EXD2: variants seen among roughly 807,000 people sequenced by gnomAD.
EXD2 encodes the protein exonuclease 3'-5' domain-containing protein 2.
Under a neutral mutation model 62.5 loss-of-function variants are expected in EXD2, and 40 were observed. That is an observed-to-expected ratio of 0.64 (90% CI 0.50 to 0.83). EXD2 has a LOEUF of 0.83. EXD2 is among the 40% of genes least tolerant of loss of function. The pLI is 0.00. For synonymous variants in EXD2, 239 were observed against 291.9 expected, an observed-to-expected ratio of 0.82 and a Z score of 1.85; for missense variants, 671 against 761.8, an observed-to-expected ratio of 0.88 and a Z score of 1.40.
At chr14:69,215,617 C>CT (rs1039264834) in intron 3 of EXD2, among the ~76,000 whole-genome samples, 5 of 152,058 alleles carry the variant, frequency 3.3e-5, no homozygotes, top group Non-Finnish European at 5.9e-5. Flanking sequence ...TGAAAATTGC[C>CT]TTTGTTTTAC....
intron 1 of EXD2, among the ~76,000 whole-genome samples, chr14:69,201,517 C>T (rs1300336110): frequency 2.0e-5 from 3 of 151,940 alleles, no homozygotes; most frequent in Non-Finnish European, 4.4e-5. Context: ...AATGTTTCAC[C>T]TATCCTGTGG....
intron 5 of EXD2, among the ~76,000 whole-genome samples, chr14:69,233,977 G>A (rs952177580): frequency 6.6e-6 from 1 of 151,970 alleles, no homozygotes; most frequent in Admixed American, 6.6e-5. Context: ...ATGTTGGCCA[G>A]GCTGGTTTCG....
At chr14:69,238,030 G>A in intron 9 of EXD2, 99 bp downstream of exon 9, 1 of 1,039,596 alleles carries the variant, frequency 9.6e-7, no homozygotes, top group Non-Finnish European at 1.4e-6. Context: ...CTTAGGCACA[G>A]TGCCTAGCCT....
intron 3 of EXD2, among the ~76,000 whole-genome samples, chr14:69,228,516 G>C (rs1034799525): frequency 1.3e-5 from 2 of 152,156 alleles, no homozygotes; most frequent in Non-Finnish European, 2.9e-5. Flanking sequence ...AAACCAGCAT[G>C]TTCCATATGA....
chr14:69,212,957 C>T (rs985242945), intron 3 of EXD2, among the ~76,000 whole-genome samples: 4 of 151,792 alleles, frequency 2.6e-5, no homozygotes, highest in African/African-American at 4.8e-5. Flanking sequence ...GCAATCCATT[C>T]GCCTCAGTCC....
intron 1 of EXD2, among the ~76,000 whole-genome samples, chr14:69,199,158 C>T (rs190296047): frequency 4.3e-3 from 656 of 152,314 alleles, no homozygotes; most frequent in Non-Finnish European, 7.0e-3. Context: ...GCAGGAGAAT[C>T]GCTTGAACTT....
At chr14:69,219,886 G>A (rs2043110720) in intron 3 of EXD2, among the ~76,000 whole-genome samples, 1 of 152,092 alleles carries the variant, frequency 6.6e-6, no homozygotes, top group African/African-American at 2.4e-5. Flanking sequence ...TGGTGATAGT[G>A]GACATCCTTG....
In EXD2 at chr14:69,237,549, C is replaced by G. The variant is rs747987501; in HGVS notation, c.1293-26C>G. On this transcript the variant is annotated intron_variant, in intron 8 of 9. Coordinates refer to ENST00000685843, the MANE Select transcript of EXD2 (RefSeq NM_001193360.2). Reference sequence around the variant, plus strand: ...GTGCTCTGTCATACACTTATGAGCGCTGCTTTCCGGCTGGGCTTGTTCCAG... The same window carrying G: ...GTGCTCTGTCATACACTTATGAGCGGTGCTTTCCGGCTGGGCTTGTTCCAG... The G allele has an allele frequency of 2.5e-6, 4 of 1,609,404 alleles. No homozygotes were observed. In the African/African-American group the frequency reaches 4.0e-5, roughly 16 times the overall value.
chr14:69,213,070 A>G lies in EXD2; in HGVS notation c.333+3267A>G, dbSNP rs145788068. On this transcript the variant is annotated intron_variant, in intron 3 of 9. Coordinates refer to ENST00000685843, the MANE Select transcript of EXD2 (RefSeq NM_001193360.2). ...TTTACCAAAGTGTTTACCTTCCTGT[A>G]TTCTTCTTCTTTTCTTTTTTTTTTT... 3.9e-3 allele frequency among the ~76,000 whole-genome samples: 548 copies of G among 138,774 alleles called. 3 individuals are homozygous for G. Among genetic ancestry groups the G allele is most frequent in the African/African-American group, 0.013 (513 of 38,040 alleles). The allele number at this position is 138,774 out of a possible 152,430, so 91.0% of individuals were successfully genotyped here. A position where few individuals can be genotyped will look rare whatever the true frequency, so the allele number is the denominator to read the frequency against.
chr14:69,240,742 T>A (rs1255163191), intron 9 of EXD2, 142 bp from the exon 10 acceptor site: 3 of 635,658 alleles, frequency 4.7e-6, no homozygotes, highest in Non-Finnish European at 8.2e-6. Flanking sequence ...AGAAAGAGGA[T>A]GTTTCGAAAA....
chr14:69,197,027 G>A (rs553777663), intron 1 of EXD2, among the ~76,000 whole-genome samples: 1 of 152,184 alleles, frequency 6.6e-6, no homozygotes, highest in African/African-American at 2.4e-5. Context: ...ATCTTTTCAA[G>A]TGCTTATTGG....
chr14:69,233,868 C>A (rs1021974819), intron 5 of EXD2, among the ~76,000 whole-genome samples: 1 of 151,224 alleles, frequency 6.6e-6, no homozygotes, highest in Non-Finnish European at 1.5e-5. Flanking sequence ...TGGGTTCAAG[C>A]GATTCTCCTG....
chr14:69,208,065 A>G (rs2042669491), intron 2 of EXD2, among the ~76,000 whole-genome samples: 1 of 150,896 alleles, frequency 6.6e-6, no homozygotes. Context: ...CGCCTGGCTA[A>G]TTTTTGTGTT....
At position 69,234,065 on chromosome 14, in the gene EXD2, C is replaced by T. The variant is rs1164758924; in HGVS notation, c.718-635C>T. On this transcript the variant is annotated intron_variant, in intron 5 of 9. Coordinates refer to ENST00000685843, the MANE Select transcript of EXD2 (RefSeq NM_001193360.2). ...TACAGGTGTGAGCCACCATACCTGG[C>T]CCACAGTACTTTTCTTTATGACCAG... Among the ~76,000 whole-genome samples the T allele has an allele frequency of 3.9e-5, 6 of 152,212 alleles. No individual in the cohort carries two copies. The South Asian group carries it at 1.2e-3, about 32-fold the overall frequency.
chr14:69,222,983 T>C (rs2043236170), intron 3 of EXD2, among the ~76,000 whole-genome samples: 1 of 152,232 alleles, frequency 6.6e-6, no homozygotes, highest in Non-Finnish European at 1.5e-5. Flanking sequence ...AACCAACTGT[T>C]ACTGGATTGC....
chr14:69,209,615 G>C lies in EXD2; in HGVS notation c.145G>C (p.Gly49Arg). The change falls in exon 3 of 10, where the codon GGC becomes CGC. Residue 49 changes from glycine (G) to arginine (R), a missense_variant. Transcript: ENST00000685843. Reference sequence around the variant, plus strand: ...CCAACAGCCACAGCAGAAAGTGCTGGGCAGTAGAGAGCTGCCCCCTCCAGA... The same window carrying C: ...CCAACAGCCACAGCAGAAAGTGCTGCGCAGTAGAGAGCTGCCCCCTCCAGA... Reference protein sequence around the residue: ...VTQQPQQKVLGSRELPPPEDD... With the variant: ...VTQQPQQKVLRSRELPPPEDD... 1 of 1,550,460 alleles carries C rather than the reference G, an allele frequency of 6.4e-7. No individual in the cohort carries two copies. The highest frequency in any genetic ancestry group is 8.7e-7 in the Non-Finnish European group (1 of 1,146,980).
chr14:69,208,822 C>T (rs908492028), intron 2 of EXD2: 3 of 152,148 alleles, frequency 2.0e-5, no homozygotes, highest in Non-Finnish European at 2.9e-5. Flanking sequence ...CTACAATAAC[C>T]GTATCAGTTT....
rs77586894 is a variant in EXD2, at chr14:69,228,792, C to T, written c.334-24C>T. On this transcript the variant is annotated intron_variant, in intron 3 of 9. Coordinates refer to ENST00000685843, the MANE Select transcript of EXD2 (RefSeq NM_001193360.2). ...CGCTGCTGTGCTCAGGTGTGAACCA[C>T]AACCTTGTCTTCCTCTGTTGCAGGT... 229 of 1,597,002 alleles carry T rather than the reference C, an allele frequency of 1.4e-4. 2 individuals carry two copies. In the East Asian group the frequency reaches 5.2e-3, roughly 36 times the overall value.
At chr14:69,205,203 GTA>G (rs761957456) in intron 2 of EXD2, among the ~76,000 whole-genome samples, 5 of 152,066 alleles carry the variant, frequency 3.3e-5, no homozygotes, top group Non-Finnish European at 7.4e-5. Flanking sequence ...GCTTTGTTGT[GTA>G]TTCTTTCTGT....
Sources: allele counts gnomAD v4.1 joint callset (sites outside exome capture counted in the v4.1 genomes callset), GRCh38; gene constraint gnomAD v4.1.1; transcripts MANE v1.5; gene names NCBI Gene and HGNC (gene_info 2026-07-23, HGNC 2026-07-21).